Variants in MESD observed in about 807,000 individuals in gnomAD.
MESD encodes mesoderm development LRP chaperone, also known as LRP chaperone MESD.
MESD carries 7 observed loss-of-function variants against 12.9 expected under a neutral mutation model. The ratio of observed to expected loss-of-function variants is 0.54; its 90% CI spans 0.31 to 1.02. The LOEUF (loss-of-function observed/expected upper bound fraction) is 1.02, where lower values mean the gene tolerates loss of function less well. Among genes scored for constraint, MESD ranks in the 50% least tolerant of loss-of-function variants. The probability of loss-of-function intolerance (pLI) is 0.05; values close to 1 mark genes in which losing one functional copy is unlikely to be tolerated. For synonymous variants in MESD, 126 were observed against 115.6 expected, an observed-to-expected ratio of 1.09 and a Z score of -0.58; for missense variants, 342 against 296.7, an observed-to-expected ratio of 1.15 and a Z score of -1.12.
At chr15:80,969,392 C>T (rs1220813030) in intron 3 of MESD, among the ~76,000 whole-genome samples, 1 of 152,026 alleles carries the variant, frequency 6.6e-6, no homozygotes, top group Non-Finnish European at 1.5e-5. Context: ...ATCTCCACTG[C>T]CTGCACACTT....
chr15:80,981,462 T>C lies in MESD; in HGVS notation c.446+488A>G, dbSNP rs549647759. On this transcript the variant is annotated intron_variant, in intron 2 of 2. Transcript: ENST00000261758. ...AAAAAAAAAAAAAAAAAAAACAAAC[T>C]AGATAGATAAATAATTTTAAAAGAA... is the stretch of plus-strand genomic sequence containing the variant. 4.0e-3 allele frequency among the ~76,000 whole-genome samples: 450 copies of C among 113,758 alleles called. 1 individual carries two copies. Among genetic ancestry groups the C allele is most frequent in the Admixed American group, 0.011 (116 of 10,962 alleles). The allele number at this position is 113,758 out of a possible 152,430, so 74.6% of individuals were successfully genotyped here.
chr15:80,974,423 T>A (rs1161880353), downstream of MESD, among the ~76,000 whole-genome samples: 5 of 152,078 alleles, frequency 3.3e-5, no homozygotes, highest in African/African-American at 1.2e-4. Flanking sequence ...AATAAAAGAA[T>A]GTAGCACACA....
At chr15:80,950,601 G>A (rs1369828983) in intron 4 of MESD, 1 of 152,334 alleles carries the variant, frequency 6.6e-6, no homozygotes. Context: ...AGCTCTACAG[G>A]TGAGGCCCAG....
rs147194519 is a variant in MESD, at chr15:80,988,523, T to C, written c.213+1056A>G. 1.3e-3 allele frequency among the ~76,000 whole-genome samples: 200 copies of C among 152,316 alleles called. 1 individual carries two copies. Among genetic ancestry groups the C allele is most frequent in the African/African-American group, 4.5e-3 (187 of 41,550 alleles). ...AGGAGATTGCAAGGGAGACGGTGAA[T>C]GGGGACGTTCTCTCTACACTCAAAT... On this transcript the variant is annotated intron_variant, in intron 1 of 2. Coordinates refer to ENST00000261758, the MANE Select transcript of MESD (RefSeq NM_015154.3).
At chr15:80,965,440 A>T (rs1273741049) in intron 3 of MESD, among the ~76,000 whole-genome samples, 1 of 152,224 alleles carries the variant, frequency 6.6e-6, no homozygotes, top group East Asian at 1.9e-4. Context: ...TGACCCAGCA[A>T]TCCCATTACT....
chr15:80,971,693 C>T (rs879637305), downstream of MESD, among the ~76,000 whole-genome samples: 4 of 152,120 alleles, frequency 2.6e-5, no homozygotes, highest in Admixed American at 6.5e-5. Context: ...GTGACACAAT[C>T]ACAGCTCACT....
chr15:80,947,791 CATT>C (rs1901626938), exon 5 of MESD: 1 of 152,532 alleles, frequency 6.6e-6, no homozygotes, highest in Non-Finnish European at 1.5e-5. Context: ...CTCACTTACT[CATT>C]AATAACCTGT....
At position 80,989,721 on chromosome 15, in the gene MESD, A is replaced by G; in HGVS notation, c.71T>C (p.Leu24Pro). The G allele has an allele frequency of 6.3e-7, 1 of 1,597,936 alleles. No homozygotes were observed. The highest frequency in any genetic ancestry group is 1.7e-4 in the Middle Eastern group (1 of 5,984). The stretch of plus-strand genomic sequence containing the variant: ...GCAGGACCCAGGCGGTGGTAGCAGT[A>G]GCAGCAGCAGCAGCAGGTCAGAGGC... ...LCASDLLLLL[L>P]LLPPPGSCAA... is the part of the protein sequence containing the mutation. Residue 24 changes from leucine to proline, a missense_variant, in exon 1 of 3, where the codon CTA becomes CCA. By Grantham distance (98) the Leu-to-Pro change is moderately conservative. Coordinates refer to ENST00000261758, the MANE Select transcript of MESD (RefSeq NM_015154.3).
At chr15:80,968,144 C>T (rs1902211519) in intron 3 of MESD, among the ~76,000 whole-genome samples, 1 of 152,242 alleles carries the variant, frequency 6.6e-6, no homozygotes, top group Admixed American at 6.5e-5. Context: ...TCAGGGCAAA[C>T]CATCTCACCT....
intron 2 of MESD, among the ~76,000 whole-genome samples, chr15:80,981,359 C>G (rs1191914297): frequency 6.8e-6 from 1 of 147,938 alleles, no homozygotes; most frequent in Admixed American, 6.7e-5. Context: ...ATGGCGTGAA[C>G]CGGGAAGGCG....
chr15:80,989,669 G>C lies in MESD; in HGVS notation c.123C>G (p.Pro41=), dbSNP rs201439161. 6.8e-6 allele frequency: 11 copies of C among 1,613,376 alleles called. No individual in the cohort carries two copies. The highest frequency in any genetic ancestry group is 9.3e-6 in the Non-Finnish European group (11 of 1,179,980). ...TCCGGGGAGGTGGGGTAGACTCGTC[G>C]GGCGTCCCGGGCGAGCCTTCGGCCG... ...SCAAEGSPGT[P]DESTPPPRKK... The change falls in exon 1 of 3, where the codon CCC becomes CCG. Residue 41 remains proline, a synonymous_variant. Coordinates refer to ENST00000261758, the MANE Select transcript of MESD (RefSeq NM_015154.3).
At chr15:80,962,423 A>G (rs931180702) in intron 3 of MESD, among the ~76,000 whole-genome samples, 2 of 152,290 alleles carry the variant, frequency 1.3e-5, no homozygotes, top group Middle Eastern at 6.8e-3. Flanking sequence ...TCAATATTAG[A>G]CAGATCGAGA....
intron 1 of MESD, among the ~76,000 whole-genome samples, chr15:80,983,437 G>A (rs2141814530): frequency 6.6e-6 from 1 of 152,136 alleles, no homozygotes; most frequent in African/African-American, 2.4e-5. Context: ...ATTGAGAAAA[G>A]GAGTAAACAT....
At chr15:80,965,201 A>C (rs1261237733) in intron 3 of MESD, among the ~76,000 whole-genome samples, 1 of 152,258 alleles carries the variant, frequency 6.6e-6, no homozygotes. Context: ...AGACATATGA[A>C]AAAATGTTCA....
In MESD at chr15:80,956,744, T is replaced by A. The variant is rs16972596; in HGVS notation, c.*289-4448A>T. On this transcript the variant is annotated intron_variant, in intron 3 of 4. Transcript: ENST00000561312. ...TTGGGTTTTACAAACCTGGGATATATGGTAATAACAAGCAAAACAGATACA... is the reference window on the plus strand; with the variant it reads ...TTGGGTTTTACAAACCTGGGATATAAGGTAATAACAAGCAAAACAGATACA... Among the ~76,000 whole-genome samples, 157 of 152,262 alleles carry A rather than the reference T, an allele frequency of 1.0e-3. 6 individuals are homozygous for A. The East Asian group carries it at 0.03, about 29-fold the overall frequency.
At chr15:80,955,885 G>C (rs942052125) in intron 3 of MESD, among the ~76,000 whole-genome samples, 1 of 152,062 alleles carries the variant, frequency 6.6e-6, no homozygotes, top group African/African-American at 2.4e-5. Flanking sequence ...GCCTCCCAAA[G>C]TGCTAGGATT....
At chr15:80,971,318 G>C (rs1408015956), downstream of MESD, among the ~76,000 whole-genome samples, 1 of 152,172 alleles carries the variant, frequency 6.6e-6, no homozygotes, top group Non-Finnish European at 1.5e-5. Context: ...TCTATTTTCA[G>C]TCAAGAGCAT....
intron 3 of MESD, among the ~76,000 whole-genome samples, chr15:80,968,701 A>T (rs915590856): frequency 2.0e-5 from 3 of 152,196 alleles, no homozygotes; most frequent in African/African-American, 7.2e-5. Context: ...GGACTTGCTC[A>T]TTTAATCCTT....
chr15:80,961,735 T>TA (rs1215277988), intron 3 of MESD, among the ~76,000 whole-genome samples: 1 of 152,152 alleles, frequency 6.6e-6, no homozygotes, highest in East Asian at 1.9e-4. Flanking sequence ...AGATATTGGC[T>TA]AAATATACCA....
Sources: allele counts gnomAD v4.1 joint callset (sites outside exome capture counted in the v4.1 genomes callset), GRCh38; gene constraint gnomAD v4.1.1; transcripts MANE v1.5; gene names NCBI Gene and HGNC (gene_info 2026-07-23, HGNC 2026-07-21).